The following OXR1 variants were observed in gnomAD, a reference collection of about 807,000 sequenced individuals.
OXR1 encodes oxidation resistance protein 1.
In OXR1, 41 loss-of-function variants were observed where a neutral mutation model predicts 104.6. The observed-to-expected ratio is 0.39, with a 90% CI of 0.31 to 0.51. OXR1 has a LOEUF of 0.51. OXR1 is among the 20% of genes least tolerant of loss of function. The pLI is 0.77. For missense variants in OXR1, 955 were observed against 1,031.9 expected (o/e 0.93, Z 1.02); for synonymous variants, 348 against 348.4 (o/e 1.00, Z 0.01).
At chr8:106,745,657 G>A (rs1681905) in intron 15 of OXR1, 132 bp from the exon 16 acceptor site, 210,381 of 483,398 alleles carry the variant, frequency 0.44, 47,168 homozygotes, top group Admixed American at 0.5. Flanking sequence ...CCTTCTGTGC[G>A]GAGCTTTTTG....
At chr8:106,536,699 TGC>T (rs772009236) in intron 3 of OXR1, among the ~76,000 whole-genome samples, 3 of 152,124 alleles carry the variant, frequency 2.0e-5, no homozygotes, top group Non-Finnish European at 4.4e-5. Flanking sequence ...AAATAGGTGG[TGC>T]TGGGTCACTC....
intron 12 of OXR1, 67 bp from the exon 13 acceptor site, chr8:106,739,391 A>G (rs1028029983): frequency 5.7e-6 from 8 of 1,406,782 alleles, no homozygotes; most frequent in Non-Finnish European, 7.9e-6. Flanking sequence ...TTTATCTGAA[A>G]AGTCTGACAA....
At chr8:106,561,353 C>T (rs113597540) in intron 3 of OXR1, among the ~76,000 whole-genome samples, 2 of 152,254 alleles carry the variant, frequency 1.3e-5, no homozygotes, top group South Asian at 4.1e-4. Flanking sequence ...ATAAACAAAG[C>T]CACCAGAAAT....
At chr8:106,420,901 C>A (rs1818878221) in intron 2 of OXR1, among the ~76,000 whole-genome samples, 1 of 151,982 alleles carries the variant, frequency 6.6e-6, no homozygotes, top group South Asian at 2.1e-4. Context: ...TGAAGACCCA[C>A]ACTATAAGGG....
chr8:106,614,679 A>G (rs190453114), intron 3 of OXR1, among the ~76,000 whole-genome samples: 301 of 152,350 alleles, frequency 2.0e-3, no homozygotes, highest in African/African-American at 6.8e-3. Context: ...CAGATTCCCA[A>G]TGAGAGCAAA....
chr8:106,349,332 T>A (rs2130301818), intron 1 of OXR1, among the ~76,000 whole-genome samples: 1 of 152,268 alleles, frequency 6.6e-6, no homozygotes, highest in African/African-American at 2.4e-5. Context: ...AAAATTAGGA[T>A]GTTTGTCCAT....
intron 1 of OXR1, among the ~76,000 whole-genome samples, chr8:106,301,891 T>C (rs1304849510): frequency 6.6e-6 from 1 of 152,296 alleles, no homozygotes; most frequent in East Asian, 1.9e-4. Flanking sequence ...ATAAAAACCC[T>C]TTTAGGAATG....
intron 1 of OXR1, among the ~76,000 whole-genome samples, chr8:106,278,807 A>G (rs1319022695): frequency 6.6e-6 from 1 of 152,226 alleles, no homozygotes; most frequent in East Asian, 1.9e-4. Context: ...AAATAAATGT[A>G]AGTGCCTTAT....
At chr8:106,342,282 A>G (rs1407690424) in intron 1 of OXR1, among the ~76,000 whole-genome samples, 1 of 130,356 alleles carries the variant, frequency 7.7e-6, no homozygotes. Flanking sequence ...ACAGAGTCTC[A>G]CTCTGTTGCC....
At chr8:106,583,966 T>C (rs1818439054) in intron 3 of OXR1, among the ~76,000 whole-genome samples, 1 of 151,896 alleles carries the variant, frequency 6.6e-6, no homozygotes, top group Admixed American at 6.6e-5. Context: ...ATGAGAACAC[T>C]GACTAAACCA....
chr8:106,482,109 G>A (rs1486014704), intron 2 of OXR1, among the ~76,000 whole-genome samples: 2 of 151,858 alleles, frequency 1.3e-5, no homozygotes, highest in Non-Finnish European at 2.9e-5. Flanking sequence ...TAAATATATC[G>A]TGGGTATTTA....
chr8:106,687,102 A>G (rs1828814210), intron 6 of OXR1, among the ~76,000 whole-genome samples: 1 of 151,938 alleles, frequency 6.6e-6, no homozygotes, highest in Admixed American at 6.6e-5. Context: ...GCATCAGTGC[A>G]CTCTCTCTTG....
At chr8:106,430,843 A>C (rs951888148) in intron 2 of OXR1, among the ~76,000 whole-genome samples, 2 of 152,190 alleles carry the variant, frequency 1.3e-5, no homozygotes, top group African/African-American at 4.8e-5. Context: ...ACAGTAATGC[A>C]ACTCTGAATA....
chr8:106,392,182 T>C (rs1817608809), intron 2 of OXR1, among the ~76,000 whole-genome samples: 1 of 152,182 alleles, frequency 6.6e-6, no homozygotes, highest in Non-Finnish European at 1.5e-5. Flanking sequence ...GGTGACTGAC[T>C]GATTTTTCCC....
At chr8:106,478,189 C>G (rs181050136) in intron 2 of OXR1, among the ~76,000 whole-genome samples, 1 of 151,540 alleles carries the variant, frequency 6.6e-6, no homozygotes, top group Admixed American at 6.6e-5. Context: ...TATCAGTGTG[C>G]GAATTTTATG....
Position 106,505,337 on chromosome 8 carries a change from A to G in OXR1, c.24-13606A>G, listed in dbSNP as rs541470766. Among the ~76,000 whole-genome samples the G allele has an allele frequency of 1.8e-4, 28 of 152,384 alleles. 1 individual carries two copies. The South Asian group carries it at 3.3e-3, about 18-fold the overall frequency. On this transcript the variant is annotated intron_variant, in intron 2 of 16. Transcript: ENST00000517566. ...GATTGATTCACTCATTTATTAATTC[A>G]TATAGTATATGTTTTTGGTGTGCAT...
At chr8:106,304,436 C>A (rs1257742075) in intron 1 of OXR1, among the ~76,000 whole-genome samples, 1 of 151,994 alleles carries the variant, frequency 6.6e-6, no homozygotes, top group Non-Finnish European at 1.5e-5. Flanking sequence ...TCTTTGAGAA[C>A]CAGAAGTTCA....
intron 2 of OXR1, among the ~76,000 whole-genome samples, chr8:106,415,945 A>T (rs182233631): frequency 3.5e-4 from 53 of 152,234 alleles, no homozygotes; most frequent in Middle Eastern, 3.4e-3. Flanking sequence ...TAGAACTATC[A>T]TGCTTGGGCT....
At chr8:106,429,446 G>A (rs1819270556) in intron 2 of OXR1, among the ~76,000 whole-genome samples, 2 of 152,086 alleles carry the variant, frequency 1.3e-5, no homozygotes, top group South Asian at 4.1e-4. Flanking sequence ...GATCACCTGA[G>A]GTCAGGAGTT....
Sources: allele counts gnomAD v4.1 joint callset (sites outside exome capture counted in the v4.1 genomes callset), GRCh38; gene constraint gnomAD v4.1.1; transcripts MANE v1.5; gene names NCBI Gene and HGNC (gene_info 2026-07-23, HGNC 2026-07-21).